DAPK2: variants seen among roughly 807,000 people sequenced by gnomAD.
DAPK2 encodes the protein death-associated protein kinase 2.
DAPK2 carries 35 observed loss-of-function variants against 44.1 expected under a neutral mutation model. That is an observed-to-expected ratio of 0.79 (90% CI 0.61 to 1.05). DAPK2 has a LOEUF of 1.05. Ranked by LOEUF, DAPK2 falls within the 50% of genes least tolerant of loss-of-function variation. DAPK2 has a pLI of 0.00. For synonymous variants in DAPK2, 174 were observed against 182.6 expected (o/e 0.95, Z 0.38); for missense variants, 453 against 483.2 (o/e 0.94, Z 0.59).
intron 4 of DAPK2, among the ~76,000 whole-genome samples, chr15:63,934,249 GTTT>G (rs772176640): frequency 7.9e-5 from 5 of 63,288 alleles, no homozygotes; most frequent in East Asian, 6.7e-4. Context: ...TTTTATCCTA[GTTT>G]TTTTTTTTTT....
chr15:64,044,876 A>G (rs967604179), upstream of DAPK2, among the ~76,000 whole-genome samples: 1 of 152,170 alleles, frequency 6.6e-6, no homozygotes, highest in Non-Finnish European at 1.5e-5. Flanking sequence ...GTCTCATTAC[A>G]CACACCCCCA....
intron 10 of DAPK2, chr15:63,909,331 C>CTTTTTTTT (rs1567195932): frequency 7.7e-6 from 1 of 129,412 alleles, no homozygotes; most frequent in African/African-American, 3.4e-5. Flanking sequence ...CCTATCATTA[C>CTTTTTTTT]TCTTTTTTTT....
At chr15:63,981,036 G>C (rs991320607) in intron 2 of DAPK2, among the ~76,000 whole-genome samples, 2 of 151,460 alleles carry the variant, frequency 1.3e-5, no homozygotes, top group African/African-American at 4.9e-5. Flanking sequence ...ATTGTAGTGA[G>C]CCAGGATCGC....
At chr15:64,040,207 C>G (rs1350630497) in exon 1 of DAPK2, 1 of 1,613,956 alleles carries the variant, frequency 6.2e-7, no homozygotes, top group African/African-American at 1.3e-5. Flanking sequence ...AAGTCCTCCA[C>G]CTTCTGCTGC....
rs1555483142 is a variant in DAPK2, at chr15:64,028,045, T to TCTATCTATCTATCTAC, written c.92+12124_92+12125insGTAGATAGATAGATAG. ...TACATAAACTGTATCTATCTATCTA[T>TCTATCTATCTATCTAC]CTATCTATCTATCTATCTATTTATA... On this transcript the variant is annotated intron_variant, in intron 1 of 10. Transcript: ENST00000261891. 4.3e-4 allele frequency among the ~76,000 whole-genome samples: 65 copies of TCTATCTATCTATCTAC among 151,914 alleles called. 1 individual carries two copies. Among genetic ancestry groups the TCTATCTATCTATCTAC allele is most frequent in the Middle Eastern group, 3.4e-3 (1 of 294 alleles).
At chr15:63,971,376 C>A (rs748737666) in intron 3 of DAPK2, 47 bp downstream of exon 4, 60 of 1,606,472 alleles carry the variant, frequency 3.7e-5, no homozygotes, top group Non-Finnish European at 4.9e-5. Flanking sequence ...AGGGACTAAG[C>A]CTCTTCTTCC....
chr15:64,006,060 C>T (rs1471766462), intron 1 of DAPK2, among the ~76,000 whole-genome samples: 1 of 125,210 alleles, frequency 8.0e-6, no homozygotes, highest in Non-Finnish European at 1.7e-5. Context: ...AAAAACCCCA[C>T]AAAAAACCCT....
intron 4 of DAPK2, chr15:63,932,590 T>C (rs953590578): frequency 1.3e-5 from 2 of 151,452 alleles, no homozygotes; most frequent in African/African-American, 2.4e-5. Context: ...TTGGAGATCA[T>C]GGAGGCAAAA....
Position 63,939,377 on chromosome 15 carries a change from T to C in DAPK2, c.454-16A>G. 1 of 1,331,864 alleles carries C rather than the reference T, an allele frequency of 7.5e-7. No homozygotes were observed. Among genetic ancestry groups the C allele is most frequent in the Non-Finnish European group, 9.6e-7 (1 of 1,037,060 alleles). 82.5% of individuals were successfully genotyped at this position (1,331,864 alleles called of 1,614,324 possible). On this transcript the variant is annotated splice_polypyrimidine_tract_variant and intron_variant, in intron 3 of 10. Transcript: ENST00000261891. This position sits in a 1 kb window ranked among gnomAD's most constrained non-coding sequence, Gnocchi z 4.3. ...TGTTTTCTGGCTGGACAACAAAAAG[T>C]AGAAAAAAAAAAAAGGAAGGAAGAA... is the stretch of plus-strand genomic sequence containing the variant.
chr15:63,929,666 T>A (rs2079458614), intron 5 of DAPK2, 89 bp from the exon 7 acceptor site: 2 of 1,500,378 alleles, frequency 1.3e-6, no homozygotes, highest in Non-Finnish European at 1.8e-6. Context: ...GGGGAAGAGG[T>A]CACTTGCCTC....
intron 1 of DAPK2, among the ~76,000 whole-genome samples, chr15:64,022,676 G>A (rs2079721934): frequency 6.6e-6 from 1 of 152,142 alleles, no homozygotes; most frequent in African/African-American, 2.4e-5. Context: ...AAAATTAGCT[G>A]GGTGTGGTCA....
Position 63,939,173 on chromosome 15 carries a change from A to T in DAPK2, c.583+59T>A. ...TAGCCCCAGACACAGGTTTCTTCCC[A>T]GGATCCCTACCTTTGATGCCAGATT... On this transcript the variant is annotated intron_variant, in intron 4 of 10. Transcript: ENST00000261891. This position sits in a 1 kb window ranked among gnomAD's most constrained non-coding sequence, Gnocchi z 4.3. 6.2e-7 allele frequency: 1 copy of T among 1,602,230 alleles called. No individual in the cohort carries two copies. The highest frequency in any genetic ancestry group is 8.5e-7 in the Non-Finnish European group (1 of 1,173,676).
intron 6 of DAPK2, among the ~76,000 whole-genome samples, chr15:63,929,012 C>T (rs1360048271): frequency 2.6e-5 from 4 of 152,056 alleles, no homozygotes; most frequent in Non-Finnish European, 2.9e-5. Context: ...ACCAGTCTGG[C>T]CAACATGGTG....
intron 2 of DAPK2, among the ~76,000 whole-genome samples, chr15:63,972,391 G>T (rs544092230): frequency 8.5e-5 from 13 of 152,290 alleles, no homozygotes; most frequent in Admixed American, 2.0e-4. Context: ...GGACTGTAAG[G>T]GTGGTCCTGG....
upstream of DAPK2, among the ~76,000 whole-genome samples, chr15:64,044,216 A>G (rs1185986032): frequency 6.6e-6 from 1 of 152,230 alleles, no homozygotes. Flanking sequence ...AGATGCTCCC[A>G]GGATGATACC....
At chr15:63,931,058 C>A (rs1235274755) in intron 4 of DAPK2, among the ~76,000 whole-genome samples, 3 of 151,814 alleles carry the variant, frequency 2.0e-5, no homozygotes, top group Non-Finnish European at 4.4e-5. Context: ...GAGTGAGACC[C>A]ATCTTAAAAA....
At chr15:63,936,979 C>CCAA (rs2077176096) in intron 4 of DAPK2, among the ~76,000 whole-genome samples, 2 of 129,818 alleles carry the variant, frequency 1.5e-5, no homozygotes, top group Non-Finnish European at 1.6e-5. Flanking sequence ...GACCCTGTCT[C>CCAA]AAAAAAAAAA....
chr15:63,974,809 A>C (rs1661466493), intron 2 of DAPK2, among the ~76,000 whole-genome samples: 1 of 152,146 alleles, frequency 6.6e-6, no homozygotes, highest in African/African-American at 2.4e-5. Flanking sequence ...TTAGGGTAAA[A>C]TACTTCTATT....
chr15:63,923,100 T>G lies in DAPK2; in HGVS notation c.858+1716A>C. ...TCTCGGTACCAAGCTTCCTTCTCAT[T>G]GAAGATGGAGACCAGGGCCTCCACA... On this transcript the variant is annotated intron_variant, in intron 8 of 10. Coordinates refer to ENST00000261891, the Ensembl canonical transcript of DAPK2. This position sits in a 1 kb window ranked among gnomAD's most constrained non-coding sequence, Gnocchi z 4.2. The G allele has an allele frequency of 6.5e-7, 1 of 1,535,876 alleles. No homozygotes were observed. The highest frequency in any genetic ancestry group is 1.2e-5 in the South Asian group (1 of 84,056).
Sources: gnomAD v4.1 joint callset for allele counts (sites outside exome capture counted in the v4.1 genomes callset) on GRCh38, gnomAD v4.1.1 for gene constraint, Gnocchi (gnomAD v3.1) non-coding constraint, MANE v1.5 for transcripts, NCBI Gene and HGNC (gene_info 2026-07-23, HGNC 2026-07-21) for gene names.